The following MGAT4C variants were observed in gnomAD, a reference collection of about 807,000 sequenced individuals.
MGAT4C encodes the protein alpha-1,3-mannosyl-glycoprotein 4-beta-N-acetylglucosaminyltransferase C.
In MGAT4C, 19 loss-of-function variants were observed where a neutral mutation model predicts 40.1. The ratio of observed to expected loss-of-function variants is 0.47; its 90% CI spans 0.33 to 0.70. The LOEUF is 0.70. MGAT4C is among the 30% of genes least tolerant of loss of function. The pLI, the probability that MGAT4C is intolerant of heterozygous loss-of-function variation, is 0.02. For synonymous variants in MGAT4C, 181 were observed against 187.1 expected (o/e 0.97, Z 0.27); for missense variants, 491 against 563.2 (o/e 0.87, Z 1.30).
intron 1 of MGAT4C, among the ~76,000 whole-genome samples, chr12:86,795,211 T>A (rs150666031): frequency 2.0e-3 from 306 of 152,092 alleles, no homozygotes; most frequent in African/African-American, 7.1e-3. Flanking sequence ...CTAATTACAA[T>A]CTTATTGTTC....
intron 1 of MGAT4C, among the ~76,000 whole-genome samples, chr12:86,117,576 G>T (rs148375717): frequency 6.6e-6 from 1 of 152,176 alleles, no homozygotes; most frequent in African/African-American, 2.4e-5. Flanking sequence ...TTTATTATGT[G>T]AATGAAGAAC....
At chr12:86,479,765 A>C (rs984214069) in intron 2 of MGAT4C, among the ~76,000 whole-genome samples, 8 of 151,922 alleles carry the variant, frequency 5.3e-5, no homozygotes, top group Non-Finnish European at 1.2e-4. Flanking sequence ...AAAGTTACCT[A>C]CATCTAGCTG....
chr12:86,517,899 C>T (rs1000870562), intron 2 of MGAT4C, among the ~76,000 whole-genome samples: 1 of 152,134 alleles, frequency 6.6e-6, no homozygotes, highest in Non-Finnish European at 1.5e-5. Flanking sequence ...CTGCCTGCCT[C>T]GACCTCCCAA....
In MGAT4C at chr12:86,786,418, T is replaced by A. The variant is rs530274199; in HGVS notation, c.-262+52248A>T. ...ATATTAACCAATGATGTCAGTAAAA[T>A]ATTTTTTCTTTTTTTTGGTTTCAGA... On this transcript the variant is annotated intron_variant, in intron 1 of 7. Coordinates refer to the MGAT4C transcript ENST00000548651. Among the ~76,000 whole-genome samples, 16 of 152,114 alleles carry A rather than the reference T, an allele frequency of 1.1e-4. No homozygotes were observed. The East Asian group carries it at 2.5e-3, about 24-fold the overall frequency.
chr12:86,480,123 C>T (rs1957907577), intron 2 of MGAT4C, among the ~76,000 whole-genome samples: 1 of 151,532 alleles, frequency 6.6e-6, no homozygotes, highest in Non-Finnish European at 1.5e-5. Context: ...AAGACACAGT[C>T]ATATTATTTT....
At chr12:86,355,673 A>G (rs1021461546) in intron 3 of MGAT4C, among the ~76,000 whole-genome samples, 5 of 152,170 alleles carry the variant, frequency 3.3e-5, no homozygotes, top group African/African-American at 9.7e-5. Context: ...TCCTTTAAGA[A>G]TAAAGGTGGA....
At chr12:86,734,774 A>G (rs1160598) in intron 1 of MGAT4C, among the ~76,000 whole-genome samples, 145 of 152,174 alleles carry the variant, frequency 9.5e-4, no homozygotes, top group Middle Eastern at 3.4e-3. Context: ...TGTTGAAGTC[A>G]CCAAATATGT....
At chr12:86,724,835 G>T (rs1349211602) in intron 2 of MGAT4C, among the ~76,000 whole-genome samples, 1 of 152,150 alleles carries the variant, frequency 6.6e-6, no homozygotes, top group Non-Finnish European at 1.5e-5. Context: ...ACCCAAAGCA[G>T]GCCAGCCTCT....
intron 2 of MGAT4C, among the ~76,000 whole-genome samples, chr12:86,488,873 T>C (rs1010822700): frequency 1.3e-5 from 2 of 152,070 alleles, no homozygotes; most frequent in Non-Finnish European, 2.9e-5. Context: ...TGTGGTTATT[T>C]TAAAAAGAGT....
intron 3 of MGAT4C, among the ~76,000 whole-genome samples, chr12:86,384,275 T>C (rs1956011877): frequency 6.6e-6 from 1 of 152,206 alleles, no homozygotes; most frequent in African/African-American, 2.4e-5. Flanking sequence ...TTAATTTCCA[T>C]ATGAAGATGA....
chr12:86,831,414 C>G (rs932746299), intron 1 of MGAT4C, among the ~76,000 whole-genome samples: 1 of 151,624 alleles, frequency 6.6e-6, no homozygotes, highest in Non-Finnish European at 1.5e-5. Context: ...AGATGCTTCT[C>G]AATATTCTTC....
chr12:86,613,316 A>G (rs1322089427), intron 2 of MGAT4C, among the ~76,000 whole-genome samples: 2 of 152,226 alleles, frequency 1.3e-5, no homozygotes, highest in African/African-American at 4.8e-5. Flanking sequence ...ACATGTAATT[A>G]CAAGAAAAAT....
In MGAT4C at chr12:86,346,409, G is replaced by C. The variant is rs184423492; in HGVS notation, c.-119-12282C>G. On this transcript the variant is annotated intron_variant, in intron 3 of 7. Coordinates refer to the MGAT4C transcript ENST00000548651. ...CCGACTAATTTTTGTATTTTTAGTA[G>C]AGATGGGGTTTCACTATGTTGGCCA... Among the ~76,000 whole-genome samples the C allele has an allele frequency of 2.4e-3, 371 of 152,158 alleles. 1 individual carries two copies. Among genetic ancestry groups the C allele is most frequent in the Non-Finnish European group, 3.1e-3 (212 of 67,992 alleles).
chr12:86,057,084 A>G, intron 1 of MGAT4C, among the ~76,000 whole-genome samples: 1 of 152,182 alleles, frequency 6.6e-6, no homozygotes, highest in Middle Eastern at 3.4e-3. Context: ...ATTTAAAAAA[A>G]TTTCTTTTAT....
At chr12:86,158,888 G>T (rs937834537) in intron 1 of MGAT4C, among the ~76,000 whole-genome samples, 5 of 152,048 alleles carry the variant, frequency 3.3e-5, no homozygotes, top group African/African-American at 1.2e-4. Flanking sequence ...CCCCTATTTT[G>T]TATCCTAAAG....
chr12:86,197,535 A>G (rs140775162), intron 1 of MGAT4C, among the ~76,000 whole-genome samples: 1 of 152,288 alleles, frequency 6.6e-6, no homozygotes, highest in African/African-American at 2.4e-5. Context: ...TGAAGGTACA[A>G]GAAAATGGCA....
intron 2 of MGAT4C, among the ~76,000 whole-genome samples, chr12:86,552,026 C>CAAAAAAAAA (rs201076856): frequency 4.9e-5 from 3 of 60,634 alleles, no homozygotes; most frequent in African/African-American, 6.6e-5. Context: ...TTAAAAAAAG[C>CAAAAAAAAA]AAAAAAAAAA....
At chr12:86,525,582 A>G (rs1016411530) in intron 2 of MGAT4C, among the ~76,000 whole-genome samples, 3 of 152,106 alleles carry the variant, frequency 2.0e-5, no homozygotes, top group African/African-American at 7.2e-5. Context: ...TGTTCTTTCA[A>G]TCTTTGAAGT....
At chr12:86,442,356 C>T (rs1411831661) in intron 2 of MGAT4C, among the ~76,000 whole-genome samples, 3 of 152,094 alleles carry the variant, frequency 2.0e-5, no homozygotes, top group Admixed American at 1.3e-4. Context: ...GAATTAGATC[C>T]CATTTGTCAA....
Sources: allele counts gnomAD v4.1 joint callset (sites outside exome capture counted in the v4.1 genomes callset), GRCh38; gene constraint gnomAD v4.1.1; transcripts MANE v1.5; gene names NCBI Gene and HGNC (gene_info 2026-07-23, HGNC 2026-07-21).